USP50: variants seen among roughly 807,000 people sequenced by gnomAD.
USP50 encodes ubiquitin specific peptidase 50.
In USP50, 37 loss-of-function variants were observed where a neutral mutation model predicts 39.2. The ratio of observed to expected loss-of-function variants is 0.94; its 90% CI spans 0.73 to 1.24. The LOEUF (loss-of-function observed/expected upper bound fraction) is 1.24. USP50 is among the 50% of genes most tolerant of loss of function. USP50 has a pLI of 0.00. For synonymous variants in USP50, 139 were observed against 144.5 expected, an observed-to-expected ratio of 0.96 and a Z score of 0.27; for missense variants, 374 against 398.2, an observed-to-expected ratio of 0.94 and a Z score of 0.52.
At chr15:50,528,844 G>A (rs868390129) in intron 6 of USP50, among the ~76,000 whole-genome samples, 10 of 152,220 alleles carry the variant, frequency 6.6e-5, no homozygotes, top group South Asian at 2.1e-4. Flanking sequence ...ATTAGACTTC[G>A]GTGGACTCTG....
downstream of USP50, chr15:50,499,390 T>A (rs374499650): frequency 0.045 from 4,617 of 103,688 alleles, 69 homozygotes; most frequent in Admixed American, 0.088. Context: ...ATTGTTATCT[T>A]TTTTTTTTCC....
At chr15:50,535,307 T>C (rs909264598) in intron 5 of USP50, among the ~76,000 whole-genome samples, 19 of 152,222 alleles carry the variant, frequency 1.2e-4, no homozygotes, top group Non-Finnish European at 2.4e-4. Flanking sequence ...CATCTGTCCA[T>C]AGATGTAATT....
intron 6 of USP50, among the ~76,000 whole-genome samples, chr15:50,522,999 G>A (rs562772045): frequency 1.3e-5 from 2 of 151,928 alleles, no homozygotes; most frequent in African/African-American, 4.8e-5. Context: ...AGAGCAATTA[G>A]GCAAGAGAAA....
chr15:50,511,650 A>G (rs1016085742), intron 6 of USP50: 1 of 152,244 alleles, frequency 6.6e-6, no homozygotes, highest in Non-Finnish European at 1.5e-5. Flanking sequence ...ATTATGCTGA[A>G]TAAAAGAAAA....
chr15:50,532,051 G>A (rs953717882), intron 5 of USP50: 1 of 453,522 alleles, frequency 2.2e-6, no homozygotes, highest in Non-Finnish European at 4.4e-6. Flanking sequence ...TGAGGGAACA[G>A]GTCTGCGTAG....
At chr15:50,541,320 G>A in intron 3 of USP50, 56 bp from the exon 4 acceptor site, 1 of 1,481,656 alleles carries the variant, frequency 6.7e-7, no homozygotes, top group Admixed American at 1.7e-5. Context: ...AAAAAAGACT[G>A]TGGCAACATG....
At chr15:50,499,830 A>G (rs917192564), downstream of USP50, 14 of 152,190 alleles carry the variant, frequency 9.2e-5, no homozygotes, top group Non-Finnish European at 5.9e-5. Flanking sequence ...AATATAGGAC[A>G]GTAAAACCAT....
intron 6 of USP50, among the ~76,000 whole-genome samples, chr15:50,523,234 AGTG>A (rs1364767689): frequency 4.4e-5 from 6 of 135,262 alleles, no homozygotes; most frequent in African/African-American, 1.7e-4. Flanking sequence ...GCTGGAGTGC[AGTG>A]GCAAAATCAC....
At chr15:50,540,124 T>C (rs955886522) in intron 4 of USP50, among the ~76,000 whole-genome samples, 1 of 152,240 alleles carries the variant, frequency 6.6e-6, no homozygotes, top group African/African-American at 2.4e-5. Context: ...AGAAAAAATG[T>C]AAATTTGCAT....
chr15:50,525,542 A>G (rs1269186589), intron 6 of USP50, among the ~76,000 whole-genome samples: 2 of 118,234 alleles, frequency 1.7e-5, no homozygotes, highest in African/African-American at 6.2e-5. Flanking sequence ...GTATATGTAT[A>G]TATGTATATA....
At chr15:50,510,780 T>C (rs1440010309) in intron 6 of USP50, 1 of 151,790 alleles carries the variant, frequency 6.6e-6, no homozygotes, top group Non-Finnish European at 1.5e-5. Flanking sequence ...GTTTTGTTTT[T>C]TGGTTTTTTT....
At position 50,543,691 on chromosome 15, in the gene USP50, G is replaced by C. The variant is rs549989988; in HGVS notation, c.351C>G (p.Gly117=). Residue 117 remains glycine, a synonymous_variant, in exon 3 of 7, where the codon GGC becomes GGG. Coordinates refer to ENST00000532404, the MANE Select transcript of USP50 (RefSeq NM_203494.5). The stretch of plus-strand genomic sequence containing the variant: ...TTTTCGTAAATGCTGGGTAGAGGTT[G>C]CCAAGAGCTGACCAGAATATTTCTG... ...VSPEIFWSAL[G]NLYPAFTKKM... is the part of the protein sequence containing the mutation. The C allele has an allele frequency of 6.2e-7, 1 of 1,612,866 alleles. No homozygotes were observed. Among genetic ancestry groups the C allele is most frequent in the South Asian group, 1.1e-5 (1 of 90,798 alleles).
At chr15:50,505,130 C>T (rs1437349408) in intron 6 of USP50, 1 of 151,830 alleles carries the variant, frequency 6.6e-6, no homozygotes, top group Non-Finnish European at 1.5e-5. Context: ...AGGAGAGAAT[C>T]GAGTAGGGGA....
downstream of USP50, chr15:50,493,957 A>C: frequency 8.4e-7 from 1 of 1,191,132 alleles, no homozygotes; most frequent in Non-Finnish European, 1.2e-6. Flanking sequence ...TAAGTAGTTT[A>C]ATGTAGTGCT....
At chr15:50,494,681 A>C (rs944808893) in intron 1 of USP50, among the ~76,000 whole-genome samples, 2 of 152,200 alleles carry the variant, frequency 1.3e-5, no homozygotes, top group African/African-American at 2.4e-5. Context: ...TCCCTTGCTG[A>C]AAGTGGAACA....
At chr15:50,518,603 T>C (rs1193076004) in intron 6 of USP50, among the ~76,000 whole-genome samples, 1 of 151,066 alleles carries the variant, frequency 6.6e-6, no homozygotes, top group African/African-American at 2.4e-5. Context: ...GATATCCATA[T>C]GCAGAAGAAT....
In USP50 at chr15:50,539,113, G is replaced by GTT. The variant is rs58459024; in HGVS notation, c.661-264_661-263dup. Among the ~76,000 whole-genome samples, 387 of 136,968 alleles carry GTT rather than the reference G, an allele frequency of 2.8e-3. 2 individuals carry two copies. Among genetic ancestry groups the GTT allele is most frequent in the East Asian group, 0.011 (51 of 4,760 alleles). The allele number at this position is 136,968 out of a possible 152,430, so 89.9% of individuals were successfully genotyped here. The stretch of plus-strand genomic sequence containing the variant: ...CTAGAAATCAGTTTTTTTTGGTTTT[G>GTT]TTTTTTTTTTTTTTGAGATGGAGTC... On this transcript the variant is annotated intron_variant, in intron 4 of 6. Coordinates refer to ENST00000532404, the MANE Select transcript of USP50 (RefSeq NM_203494.5).
Position 50,529,794 on chromosome 15 carries a change from C to G in USP50, c.936+3G>C. Reference sequence around the variant, plus strand: ...TTACTTTTAACAGTTTGTTTTTACTCACCACCACTGCACAGAGGTTGTATT... The same window carrying G: ...TTACTTTTAACAGTTTGTTTTTACTGACCACCACTGCACAGAGGTTGTATT... On this transcript the variant is annotated splice_donor_region_variant and intron_variant, in intron 6 of 6. Transcript: ENST00000532404. 1.2e-6 allele frequency: 2 copies of G among 1,610,956 alleles called. No homozygotes were observed. The highest frequency in any genetic ancestry group is 1.7e-6 in the Non-Finnish European group (2 of 1,179,128).
intron 6 of USP50, among the ~76,000 whole-genome samples, chr15:50,520,273 T>C (rs916102341): frequency 6.6e-6 from 1 of 151,156 alleles, no homozygotes; most frequent in African/African-American, 2.4e-5. Context: ...TTTCACCACT[T>C]GCACTCTAGC....
Sources: gnomAD v4.1 joint callset for allele counts (sites outside exome capture counted in the v4.1 genomes callset) on GRCh38, gnomAD v4.1.1 for gene constraint, MANE v1.5 for transcripts, NCBI Gene and HGNC (gene_info 2026-07-23, HGNC 2026-07-21) for gene names.